MYO6: variants seen among roughly 807,000 people sequenced by gnomAD.
MYO6 encodes the protein myosin VI, also known as unconventional myosin-VI.
Under a neutral mutation model 178.7 loss-of-function variants are expected in MYO6, and 74 were observed. The observed-to-expected ratio is 0.41, with a 90% CI of 0.34 to 0.50. The LOEUF (loss-of-function observed/expected upper bound fraction) is 0.50, where lower values mean the gene tolerates loss of function less well. Ranked by LOEUF, MYO6 falls within the 20% of genes least tolerant of loss-of-function variation. The pLI is 0.09. For missense variants in MYO6, 1,330 were observed against 1,547.4 expected (o/e 0.86, Z 2.36); for synonymous variants, 477 against 504.6 (o/e 0.95, Z 0.73).
chr6:75,849,960 A>G (rs1775104773), intron 11 of MYO6, among the ~76,000 whole-genome samples: 1 of 152,136 alleles, frequency 6.6e-6, no homozygotes, highest in African/African-American at 2.4e-5. Context: ...AAAAATGGGC[A>G]TTTAACATTT....
In MYO6 at chr6:75,915,003, G is replaced by GT. The variant is rs775769373; in HGVS notation, c.3851dup (p.Leu1284PhefsTer39). ...ATGCAACAGCCATGCTGCAGAGTCT[G>GT]TTAAAGTAGATGTTGCACACCAGCC... On this transcript the variant is annotated frameshift_variant, in exon 35 of 35. Transcript: ENST00000369977. LOFTEE classifies it high-confidence loss of function. 3.8e-5 allele frequency: 61 copies of GT among 1,612,330 alleles called. No individual in the cohort carries two copies. Among genetic ancestry groups the GT allele is most frequent in the Non-Finnish European group, 5.0e-5 (59 of 1,179,634 alleles).
intron 23 of MYO6, among the ~76,000 whole-genome samples, chr6:75,884,985 C>A (rs1778318120): frequency 6.6e-6 from 1 of 152,094 alleles, no homozygotes; most frequent in African/African-American, 2.4e-5. Flanking sequence ...GTTCCCCAGG[C>A]AAGAAGGGGG....
In MYO6 at chr6:75,918,375, T is replaced by TA. The variant is rs1431704961; in HGVS notation, c.*3366dup. The TA allele has an allele frequency of 6.6e-6, 1 of 152,232 alleles. No individual in the cohort carries two copies. Among genetic ancestry groups the TA allele is most frequent in the Admixed American group, 6.5e-5 (1 of 15,280 alleles). The allele number at this position is 152,232 out of a possible 1,614,324, so 9.4% of individuals were successfully genotyped here. A position where few individuals can be genotyped will look rare whatever the true frequency, so the allele number is the denominator to read the frequency against. On this transcript the variant is annotated 3_prime_UTR_variant, in exon 35 of 35. Transcript: ENST00000369977. ...GTGGAAGAGACAGGTTGTGTGCCCC[T>TA]AAAGATTCTGCACCCCCAGTTTGGA...
intron 6 of MYO6, among the ~76,000 whole-genome samples, chr6:75,834,206 G>T (rs1423802801): frequency 3.3e-5 from 5 of 150,064 alleles, no homozygotes; most frequent in Non-Finnish European, 7.4e-5. Context: ...GTGTTTTTTT[G>T]TTTGTTTGTT....
Position 75,840,458 on chromosome 6 carries a change from G to A in MYO6, c.554-127G>A, listed in dbSNP as rs369791176. 1.5e-5 allele frequency: 11 copies of A among 723,108 alleles called. No homozygotes were observed. In the East Asian group the frequency reaches 2.0e-4, roughly 13 times the overall value. 44.8% of individuals were successfully genotyped at this position (723,108 alleles called of 1,614,324 possible). On this transcript the variant is annotated intron_variant, in intron 7 of 34. Coordinates refer to ENST00000369977, the MANE Select transcript of MYO6 (RefSeq NM_004999.4). ...TTACAGGCATGAGCCACTGTGTCCC[G>A]CCCATGTTAATATTTTTTAGAACAT...
chr6:75,775,424 A>G (rs1280368474), intron 1 of MYO6, among the ~76,000 whole-genome samples: 1 of 152,156 alleles, frequency 6.6e-6, no homozygotes, highest in Non-Finnish European at 1.5e-5. Flanking sequence ...GGATGCTTCA[A>G]ATGAGATGCA....
rs146541300 is a variant in MYO6 at position 75,918,486 on chromosome 6, C to T, written c.*3474C>T. 4 of 152,234 alleles carry T rather than the reference C, an allele frequency of 2.6e-5. No homozygotes were observed. The highest frequency in any genetic ancestry group is 3.9e-4 in the East Asian group (2 of 5,182). 9.4% of individuals were successfully genotyped at this position (152,234 alleles called of 1,614,324 possible). A position where few individuals can be genotyped will look rare whatever the true frequency, so the allele number is the denominator to read the frequency against. The stretch of plus-strand genomic sequence containing the variant: ...TAATGTGTAATTTATAGGATCAGAA[C>T]GTATGGTTATTAAAACTTGGATCAA... On this transcript the variant is annotated 3_prime_UTR_variant, in exon 35 of 35. Coordinates refer to ENST00000369977, the MANE Select transcript of MYO6 (RefSeq NM_004999.4).
intron 30 of MYO6, among the ~76,000 whole-genome samples, chr6:75,901,009 G>C (rs1000074992): frequency 9.9e-5 from 15 of 151,674 alleles, no homozygotes; most frequent in African/African-American, 2.9e-4. Context: ...CCCATTGCTT[G>C]TTTTTCTCAG....
intron 1 of MYO6, among the ~76,000 whole-genome samples, chr6:75,774,897 G>A (rs1004892936): frequency 1.3e-5 from 2 of 151,962 alleles, no homozygotes; most frequent in Non-Finnish European, 2.9e-5. Context: ...AGGTTCAAGC[G>A]ATTCTCCTGC....
intron 1 of MYO6, among the ~76,000 whole-genome samples, chr6:75,817,026 C>T (rs908841209): frequency 6.6e-6 from 1 of 152,158 alleles, no homozygotes; most frequent in African/African-American, 2.4e-5. Context: ...ATAAAGGGGG[C>T]CGGGCACGGT....
intron 6 of MYO6, 50 bp downstream of exon 6, chr6:75,832,997 C>A: frequency 7.7e-7 from 1 of 1,292,324 alleles, no homozygotes; most frequent in East Asian, 2.3e-5. Context: ...TCTTTTTTTT[C>A]CCCCCTTGAG....
chr6:75,860,057 T>A (rs1311131569), intron 14 of MYO6, among the ~76,000 whole-genome samples: 1 of 152,244 alleles, frequency 6.6e-6, no homozygotes, highest in East Asian at 1.9e-4. Context: ...GGAGATTTGA[T>A]GCATCCATTG....
intron 14 of MYO6, among the ~76,000 whole-genome samples, chr6:75,860,489 T>C (rs1325502461): frequency 6.6e-6 from 1 of 152,244 alleles, no homozygotes; most frequent in East Asian, 1.9e-4. Flanking sequence ...TTTTGATTTA[T>C]GTTCACCTTT....
intron 1 of MYO6, among the ~76,000 whole-genome samples, chr6:75,795,272 G>A (rs1768686664): frequency 6.6e-6 from 1 of 152,040 alleles, no homozygotes; most frequent in African/African-American, 2.4e-5. Context: ...AGAGGAGAGG[G>A]TTTTTATTGT....
intron 18 of MYO6, among the ~76,000 whole-genome samples, chr6:75,868,700 T>A (rs1169867688): frequency 1.3e-5 from 2 of 152,148 alleles, no homozygotes; most frequent in Non-Finnish European, 2.9e-5. Context: ...AATAGCTCAT[T>A]AAATTAAAAT....
chr6:75,860,928 G>A, intron 14 of MYO6, 95 bp from the exon 15 acceptor site: 1 of 957,984 alleles, frequency 1.0e-6, no homozygotes, highest in Non-Finnish European at 1.7e-6. Flanking sequence ...ATAAACCTTT[G>A]CATTCTAATT....
chr6:75,840,442 T>G, intron 7 of MYO6, 143 bp from the exon 8 acceptor site: 1 of 670,862 alleles, frequency 1.5e-6, no homozygotes, highest in Non-Finnish European at 2.7e-6. Flanking sequence ...ATTACAGGCA[T>G]GAGCCACTGT....
chr6:75,903,342 T>C (rs1166464375), intron 30 of MYO6, among the ~76,000 whole-genome samples: 1 of 152,066 alleles, frequency 6.6e-6, no homozygotes, highest in African/African-American at 2.4e-5. Flanking sequence ...AGTCTCCCAT[T>C]ATTAATGTGT....
At chr6:75,859,668 T>A (rs1776026768) in intron 14 of MYO6, among the ~76,000 whole-genome samples, 1 of 58,144 alleles carries the variant, frequency 1.7e-5, no homozygotes. Flanking sequence ...TCTCCCACTC[T>A]TTTTTTTTTT....
Sources: allele counts gnomAD v4.1 joint callset (sites outside exome capture counted in the v4.1 genomes callset), GRCh38; gene constraint gnomAD v4.1.1; transcripts MANE v1.5; gene names NCBI Gene and HGNC (gene_info 2026-07-23, HGNC 2026-07-21).